EPHA3: variants seen among roughly 807,000 people sequenced by gnomAD.
The protein encoded by EPHA3 is ephrin type-A receptor 3.
EPHA3 carries 42 observed loss-of-function variants against 107.1 expected under a neutral mutation model. The observed-to-expected ratio is 0.39, with a 90% confidence interval of 0.31 to 0.51. The LOEUF (loss-of-function observed/expected upper bound fraction) is 0.51, where lower values mean the gene tolerates loss of function less well. Ranked by LOEUF, EPHA3 falls within the 20% of genes least tolerant of loss-of-function variation. The pLI, the probability that EPHA3 is intolerant of heterozygous loss-of-function variation, is 0.78. For missense variants in EPHA3, 1,183 were observed against 1,211.2 expected (o/e 0.98, Z 0.35); for synonymous variants, 461 against 424.8 (o/e 1.09, Z -1.05).
chr3:89,338,206 G>A (rs1490134567), intron 3 of EPHA3, among the ~76,000 whole-genome samples: 1 of 152,178 alleles, frequency 6.6e-6, no homozygotes, highest in East Asian at 1.9e-4. Context: ...GATTCTGCTG[G>A]CAAGAAGGGA....
chr3:89,390,785 A>ATTTTTTTTTTTTTTTT (rs528841771), intron 5 of EPHA3, among the ~76,000 whole-genome samples: 1 of 132,106 alleles, frequency 7.6e-6, no homozygotes. Flanking sequence ...ATTGAAAAGC[A>ATTTTTTTTTTTTTTTT]TTTTTTTTTT....
chr3:89,473,518 A>G lies in EPHA3; in HGVS notation c.2846+899A>G, dbSNP rs1326905806. 3.9e-5 allele frequency among the ~76,000 whole-genome samples: 6 copies of G among 152,346 alleles called. No individual in the cohort carries two copies. The East Asian group carries it at 1.2e-3, about 29-fold the overall frequency. On this transcript the variant is annotated intron_variant, in intron 16 of 16. Transcript: ENST00000336596. ...TCTCACTGTGATTGAGAACCAATTT[A>G]CTTCACTTCCTAATGTGACTACATA...
chr3:89,199,797 C>T (rs1705928874), intron 2 of EPHA3, among the ~76,000 whole-genome samples: 1 of 152,202 alleles, frequency 6.6e-6, no homozygotes, highest in South Asian at 2.1e-4. Context: ...GATACTCTGA[C>T]AGATAACTGT....
intron 3 of EPHA3, among the ~76,000 whole-genome samples, chr3:89,279,172 T>C (rs1177176551): frequency 6.6e-6 from 1 of 152,284 alleles, no homozygotes; most frequent in African/African-American, 2.4e-5. Context: ...CATAGCTATG[T>C]CACTGTTCCT....
chr3:89,107,680 C>G lies in EPHA3; in HGVS notation c.-69C>G. On this transcript the variant is annotated 5_prime_UTR_variant, in exon 1 of 17. Transcript: ENST00000336596. Reference sequence around the variant, plus strand: ...ATGGTAACTTCTCCAGCAATCAGAGCGCTCCCCCTCACATCAGTGGCATGC... The same window carrying G: ...ATGGTAACTTCTCCAGCAATCAGAGGGCTCCCCCTCACATCAGTGGCATGC... 1.4e-6 allele frequency: 2 copies of G among 1,393,768 alleles called. No homozygotes were observed. The highest frequency in any genetic ancestry group is 2.0e-6 in the Non-Finnish European group (2 of 985,600). 86.3% of individuals were successfully genotyped at this position (1,393,768 alleles called of 1,614,324 possible).
intron 3 of EPHA3, among the ~76,000 whole-genome samples, chr3:89,271,127 T>C (rs967291555): frequency 2.0e-5 from 3 of 152,070 alleles, no homozygotes; most frequent in African/African-American, 7.2e-5. Flanking sequence ...TATGTTCTGC[T>C]TCAGCATTGA....
At chr3:89,360,325 A>G (rs1468703297) in intron 5 of EPHA3, among the ~76,000 whole-genome samples, 1 of 151,010 alleles carries the variant, frequency 6.6e-6, no homozygotes, top group Non-Finnish European at 1.5e-5. Flanking sequence ...TTGCTTGTCC[A>G]CATAACACCT....
chr3:89,378,407 A>G (rs936638263), intron 5 of EPHA3, among the ~76,000 whole-genome samples: 10 of 152,154 alleles, frequency 6.6e-5, no homozygotes, highest in African/African-American at 2.4e-4. Context: ...ACAACTAACT[A>G]ATAATGATGA....
At chr3:89,147,039 C>T (rs1704574098) in intron 2 of EPHA3, among the ~76,000 whole-genome samples, 1 of 151,902 alleles carries the variant, frequency 6.6e-6, no homozygotes. Context: ...TTTGCAGGGA[C>T]ACAGATAAAG....
rs139899893 is a variant in EPHA3 at position 89,278,608 on chromosome 3, G to A, written c.815-62308G>A. ...CATGCGCAATGGCCTATTTTGTGAC[G>A]CTTTCTCTTCTGTATTTCTCAATAA... is the stretch of plus-strand genomic sequence containing the variant. On this transcript the variant is annotated intron_variant, in intron 3 of 16. Coordinates refer to ENST00000336596, the MANE Select transcript of EPHA3 (RefSeq NM_005233.6). Among the ~76,000 whole-genome samples the A allele has an allele frequency of 9.9e-4, 150 of 152,082 alleles. 1 individual carries two copies. The East Asian group carries it at 0.025, about 26-fold the overall frequency.
At position 89,472,152 on chromosome 3, in the gene EPHA3, C is replaced by T. The variant is rs543002178; in HGVS notation, c.2691-312C>T. Among the ~76,000 whole-genome samples the T allele has an allele frequency of 7.9e-5, 12 of 152,206 alleles. No individual in the cohort carries two copies. In the East Asian group the frequency reaches 1.9e-3, roughly 24 times the overall value. On this transcript the variant is annotated intron_variant, in intron 15 of 16. Transcript: ENST00000336596. ...CTGTAACCGTATCCTAAATTACTAC[C>T]ATTTTTGCTAGTGATTAAATTCAAT...
intron 3 of EPHA3, among the ~76,000 whole-genome samples, 186 bp from the exon 4 acceptor site, chr3:89,340,730 G>A (rs1707499239): frequency 6.6e-6 from 1 of 152,050 alleles, no homozygotes; most frequent in East Asian, 1.9e-4. Context: ...CTTAACATTT[G>A]GTGCAAATTC....
At chr3:89,145,556 A>G (rs527985462) in intron 2 of EPHA3, among the ~76,000 whole-genome samples, 2 of 151,920 alleles carry the variant, frequency 1.3e-5, no homozygotes, top group South Asian at 4.1e-4. Context: ...GTCTGAATTT[A>G]TAACATTCAA....
intron 2 of EPHA3, among the ~76,000 whole-genome samples, chr3:89,204,642 T>C (rs1172479527): frequency 1.2e-5 from 1 of 86,942 alleles, no homozygotes; most frequent in Admixed American, 1.2e-4. Flanking sequence ...GTGTGTACTT[T>C]TGAGACCAGA....
intron 15 of EPHA3, among the ~76,000 whole-genome samples, chr3:89,453,554 T>C (rs1239754949): frequency 6.6e-6 from 1 of 152,124 alleles, no homozygotes. Flanking sequence ...AATATAAACA[T>C]TTGGGCAATT....
intron 3 of EPHA3, among the ~76,000 whole-genome samples, chr3:89,327,029 C>T (rs1428053454): frequency 1.3e-5 from 2 of 152,030 alleles, no homozygotes; most frequent in Non-Finnish European, 2.9e-5. Context: ...TTTCGGTTGC[C>T]TTATATAAGC....
At chr3:89,381,836 G>C (rs1259953277) in intron 5 of EPHA3, among the ~76,000 whole-genome samples, 2 of 152,086 alleles carry the variant, frequency 1.3e-5, no homozygotes, top group African/African-American at 2.4e-5. Flanking sequence ...CGCAATCTAT[G>C]AATCGGGAAA....
intron 5 of EPHA3, among the ~76,000 whole-genome samples, chr3:89,355,119 CAA>C (rs57606058): frequency 1.5e-5 from 2 of 137,834 alleles, no homozygotes; most frequent in African/African-American, 5.2e-5. Flanking sequence ...AACAAATTGA[CAA>C]AAAAAAAAAA....
chr3:89,390,355 T>C (rs1708701346), intron 5 of EPHA3, among the ~76,000 whole-genome samples: 1 of 152,084 alleles, frequency 6.6e-6, no homozygotes, highest in African/African-American at 2.4e-5. Flanking sequence ...TGCTAGCACT[T>C]TGGGAGGCCA....
Sources: gnomAD v4.1 joint callset for allele counts (sites outside exome capture counted in the v4.1 genomes callset) on GRCh38, gnomAD v4.1.1 for gene constraint, MANE v1.5 for transcripts, NCBI Gene and HGNC (gene_info 2026-07-23, HGNC 2026-07-21) for gene names.